The following PAX7 variants were observed in gnomAD, a reference collection of about 807,000 sequenced individuals.
PAX7 encodes paired box 7.
PAX7 carries 18 observed loss-of-function variants against 50.7 expected under a neutral mutation model. The ratio of observed to expected loss-of-function variants is 0.36; its 90% CI spans 0.25 to 0.53. The LOEUF (loss-of-function observed/expected upper bound fraction) is 0.53. Ranked by LOEUF, PAX7 falls within the 20% of genes least tolerant of loss-of-function variation. The pLI, the probability that PAX7 is intolerant of heterozygous loss-of-function variation, is 0.93. For synonymous variants in PAX7, 310 were observed against 290.4 expected, an observed-to-expected ratio of 1.07 and a Z score of -0.69; for missense variants, 644 against 702.9, an observed-to-expected ratio of 0.92 and a Z score of 0.95.
Position 18,631,077 on chromosome 1 carries a change from AGC to A in PAX7, c.-525_-524del, listed in dbSNP as rs1362792197. On this transcript the variant is annotated 5_prime_UTR_variant, in exon 1 of 9. Transcript: ENST00000420770. ...GCGTGGAGAAGAGGGAGGGAGCGAG[AGC>A]GAGAGAATAAATATATAAATAAATA... is the stretch of plus-strand genomic sequence containing the variant. The A allele has an allele frequency of 3.9e-5, 9 of 228,852 alleles. No individual in the cohort carries two copies. Among genetic ancestry groups the A allele is most frequent in the African/African-American group, 1.6e-4 (7 of 45,036 alleles). 14.2% of individuals were successfully genotyped at this position (228,852 alleles called of 1,614,324 possible).
Position 18,747,492 on chromosome 1 carries a change from A to T in PAX7, c.*2563A>T, listed in dbSNP as rs1030338020. 1 of 217,246 alleles carries T rather than the reference A, an allele frequency of 4.6e-6. No homozygotes were observed. The highest frequency in any genetic ancestry group is 9.3e-6 in the Non-Finnish European group (1 of 107,994). 13.5% of individuals were successfully genotyped at this position (217,246 alleles called of 1,614,324 possible). ...CGCATCTGGCCAACTTGGGTTATAA[A>T]ATTCAGCCTTGTGTTGGCAACTCGA... On this transcript the variant is annotated 3_prime_UTR_variant, in exon 9 of 9. Coordinates refer to ENST00000420770, the MANE Select transcript of PAX7 (RefSeq NM_001135254.2).
chr1:18,679,374 G>A (rs1053849561), intron 4 of PAX7, among the ~76,000 whole-genome samples: 4 of 152,226 alleles, frequency 2.6e-5, no homozygotes, highest in African/African-American at 4.8e-5. Context: ...GGAGGGTCCC[G>A]CAGGCTTGGC....
intron 7 of PAX7, among the ~76,000 whole-genome samples, chr1:18,710,399 T>C (rs1488674212): frequency 6.6e-6 from 1 of 152,134 alleles, no homozygotes; most frequent in African/African-American, 2.4e-5. Flanking sequence ...TTCCTCTTCA[T>C]GCCCCCACCC....
intron 4 of PAX7, among the ~76,000 whole-genome samples, chr1:18,652,031 A>C (rs1000256229): frequency 6.6e-6 from 1 of 151,760 alleles, no homozygotes; most frequent in Non-Finnish European, 1.5e-5. Flanking sequence ...GGGGATTAAC[A>C]CTCAGGTAAA....
chr1:18,743,278 A>G (rs1931246270), intron 8 of PAX7, among the ~76,000 whole-genome samples: 1 of 152,256 alleles, frequency 6.6e-6, no homozygotes, highest in Non-Finnish European at 1.5e-5. Flanking sequence ...AGCACACGTT[A>G]AAAGTTGGCA....
intron 7 of PAX7, among the ~76,000 whole-genome samples, chr1:18,733,027 T>A (rs2089665904): frequency 6.6e-6 from 1 of 152,070 alleles, no homozygotes; most frequent in African/African-American, 2.4e-5. Context: ...CAGGCCTCCT[T>A]TGAGCAGGGA....
chr1:18,740,643 A>G lies in PAX7; in HGVS notation c.1403-4171A>G, dbSNP rs138737265. ...TTCAAAGCCAGTGAAAACTAGAACT[A>G]CCATATTTATCAAAAGGATAGGAAT... On this transcript the variant is annotated intron_variant, in intron 8 of 8. Coordinates refer to ENST00000420770, the MANE Select transcript of PAX7 (RefSeq NM_001135254.2). Among the ~76,000 whole-genome samples, 976 of 152,298 alleles carry G rather than the reference A, an allele frequency of 6.4e-3. 10 individuals carry two copies. The highest frequency in any genetic ancestry group is 0.018 in the African/African-American group (765 of 41,556).
At chr1:18,695,917 G>A (rs932659068) in intron 5 of PAX7, among the ~76,000 whole-genome samples, 2 of 152,086 alleles carry the variant, frequency 1.3e-5, no homozygotes, top group Non-Finnish European at 1.5e-5. Flanking sequence ...TTACTTTACC[G>A]TCCTTGGAAC....
intron 7 of PAX7, among the ~76,000 whole-genome samples, chr1:18,725,841 CGTGGGCACCTTCAG>C (rs201851504): frequency 0.048 from 7,377 of 152,204 alleles, 281 homozygotes; most frequent in South Asian, 0.14. Flanking sequence ...CCCATCCTGG[CGTGGGCACCTTCAG>C]ACTCAGGCCA....
At chr1:18,661,261 C>T (rs1462119091) in intron 4 of PAX7, among the ~76,000 whole-genome samples, 1 of 152,134 alleles carries the variant, frequency 6.6e-6, no homozygotes, top group East Asian at 1.9e-4. Flanking sequence ...GAGTAGGGGG[C>T]ATAGGGGCTG....
chr1:18,646,778 G>A (rs2088346902), intron 4 of PAX7, among the ~76,000 whole-genome samples: 1 of 151,660 alleles, frequency 6.6e-6, no homozygotes. Flanking sequence ...CATTTCCACC[G>A]ACGGCCGCGG....
chr1:18,726,368 CTG>C lies in PAX7; in HGVS notation c.1156-9261_1156-9260del, dbSNP rs1478405218. ...ATTTATTCTTTTCCTCCAACCAACT[CTG>C]TGCTAGATCCTGTGCTCAGGATAAA... On this transcript the variant is annotated intron_variant, in intron 7 of 8. Coordinates refer to ENST00000420770, the MANE Select transcript of PAX7 (RefSeq NM_001135254.2). This position sits in a 1 kb window ranked among gnomAD's most constrained non-coding sequence, Gnocchi z 4.8. Among the ~76,000 whole-genome samples the C allele has an allele frequency of 6.6e-6, 1 of 152,220 alleles. No homozygotes were observed. Among genetic ancestry groups the C allele is most frequent in the African/African-American group, 2.4e-5 (1 of 41,458 alleles).
chr1:18,716,555 A>C (rs1445347928), intron 7 of PAX7, among the ~76,000 whole-genome samples: 21 of 142,876 alleles, frequency 1.5e-4, no homozygotes, highest in African/African-American at 3.0e-4. Context: ...TCCTTTCCCC[A>C]CTTCCTCTTT....
chr1:18,682,683 G>T (rs755947662), intron 4 of PAX7, among the ~76,000 whole-genome samples: 17 of 152,204 alleles, frequency 1.1e-4, no homozygotes, highest in Non-Finnish European at 2.4e-4. Flanking sequence ...CCAGCAACTT[G>T]GTGGTTTAGC....
intron 7 of PAX7, among the ~76,000 whole-genome samples, chr1:18,720,712 G>A (rs996136330): frequency 8.6e-5 from 13 of 151,564 alleles, no homozygotes; most frequent in African/African-American, 3.2e-4. Context: ...GGTGGAGACT[G>A]GGGGGAGAGA....
At position 18,716,693 on chromosome 1, in the gene PAX7, C is replaced by G. The variant is rs1355224119; in HGVS notation, c.1155+13397C>G. 2.6e-5 allele frequency among the ~76,000 whole-genome samples: 4 copies of G among 151,980 alleles called. No homozygotes were observed. The South Asian group carries it at 8.3e-4, about 32-fold the overall frequency. On this transcript the variant is annotated intron_variant, in intron 7 of 8. Coordinates refer to ENST00000420770, the MANE Select transcript of PAX7 (RefSeq NM_001135254.2). ...CCTCTCTCCACCCACTCCATTCTCT[C>G]AAACCCTCATTTCCCTCTTTGCCTG...
At chr1:18,712,126 G>GGTGTGGACTGATGGTCA (rs1261132038) in intron 7 of PAX7, among the ~76,000 whole-genome samples, 1 of 36,046 alleles carries the variant, frequency 2.8e-5, no homozygotes, top group Admixed American at 2.6e-4. Context: ...CCAAGGCGTA[G>GGTGTGGACTGATGGTCA]GTGTGAACTG....
intron 4 of PAX7, among the ~76,000 whole-genome samples, chr1:18,689,743 C>A (rs1211407324): frequency 6.6e-6 from 1 of 152,218 alleles, no homozygotes; most frequent in Non-Finnish European, 1.5e-5. Flanking sequence ...GAATGTGGCA[C>A]CATGATTAAA....
At chr1:18,724,011 T>A (rs2089524967) in intron 7 of PAX7, among the ~76,000 whole-genome samples, 1 of 152,128 alleles carries the variant, frequency 6.6e-6, no homozygotes, top group African/African-American at 2.4e-5. Flanking sequence ...GCTCTGACAT[T>A]TTTCACTCGC....
Sources: allele counts gnomAD v4.1 joint callset (sites outside exome capture counted in the v4.1 genomes callset), GRCh38; gene constraint gnomAD v4.1.1; non-coding constraint Gnocchi (gnomAD v3.1); transcripts MANE v1.5; gene names NCBI Gene and HGNC (gene_info 2026-07-23, HGNC 2026-07-21).